ZC3H18: variants seen among roughly 807,000 people sequenced by gnomAD.
ZC3H18 encodes the protein zinc finger CCCH domain-containing protein 18.
ZC3H18 carries 8 observed loss-of-function variants against 106.1 expected under a neutral mutation model. The ratio of observed to expected loss-of-function variants is 0.08; its 90% confidence interval spans 0.04 to 0.14. The LOEUF is 0.14. ZC3H18 is among the 10% of genes least tolerant of loss of function. ZC3H18 has a pLI of 1.00. For missense variants in ZC3H18, 1,318 were observed against 1,278.4 expected (o/e 1.03, Z -0.47); for synonymous variants, 635 against 522.1 (o/e 1.22, Z -2.95).
intron 2 of ZC3H18, among the ~76,000 whole-genome samples, chr16:88,580,563 C>T (rs1915064130): frequency 6.6e-6 from 1 of 152,156 alleles, no homozygotes; most frequent in South Asian, 2.1e-4. Context: ...TCCTCTCAGG[C>T]CCAGTTCCAA....
intron 1 of ZC3H18, among the ~76,000 whole-genome samples, chr16:88,576,000 A>C (rs1409330818): frequency 2.6e-5 from 4 of 152,180 alleles, no homozygotes; most frequent in African/African-American, 9.7e-5. Flanking sequence ...TCCTGGGTTC[A>C]CGCCTTTCTC....
rs781734468 is a variant in ZC3H18 at position 88,625,287 on chromosome 16, G to A, written c.2108+20G>A. 5 of 1,574,786 alleles carry A rather than the reference G, an allele frequency of 3.2e-6. No homozygotes were observed. The highest frequency in any genetic ancestry group is 2.7e-5 in the African/African-American group (2 of 73,924). Reference sequence around the variant, plus strand: ...ATCCAGGTCATCCCCATCACCCTGTGCCTCTGTTTCTCCCTCCCCGTCGGG... The same window carrying A: ...ATCCAGGTCATCCCCATCACCCTGTACCTCTGTTTCTCCCTCCCCGTCGGG... On this transcript the variant is annotated intron_variant, in intron 13 of 17. Transcript: ENST00000301011.
At chr16:88,583,398 G>A (rs1915252654) in intron 2 of ZC3H18, among the ~76,000 whole-genome samples, 1 of 152,214 alleles carries the variant, frequency 6.6e-6, no homozygotes, top group Non-Finnish European at 1.5e-5. Context: ...TTTAAGCACG[G>A]TGCAGCATTT....
Position 88,577,581 on chromosome 16 carries a change from A to G in ZC3H18, c.458A>G (p.Glu153Gly). 1.9e-6 allele frequency: 3 copies of G among 1,613,618 alleles called. No homozygotes were observed. Among genetic ancestry groups the G allele is most frequent in the Non-Finnish European group, 2.5e-6 (3 of 1,179,862 alleles). Residue 153 changes from glutamate (E) to glycine (G), a missense_variant, in exon 2 of 18, where the codon GAG becomes GGG. Physicochemically the swap from Glu to Gly is moderately conservative, Grantham distance 98. Transcript: ENST00000301011. ...QEDEAEKAGA[E>G]DDEEKGEGTP... Reference sequence around the variant, plus strand: ...GACGAGGCTGAGAAAGCGGGGGCTGAGGATGATGAGGAGAAAGGCGAAGGC... The same window carrying G: ...GACGAGGCTGAGAAAGCGGGGGCTGGGGATGATGAGGAGAAAGGCGAAGGC...
At chr16:88,578,469 C>T (rs544950252) in intron 2 of ZC3H18, among the ~76,000 whole-genome samples, 70 of 151,816 alleles carry the variant, frequency 4.6e-4, no homozygotes, top group African/African-American at 1.6e-3. Flanking sequence ...TGATACTTGC[C>T]GGAGCTATTG....
chr16:88,610,509 G>T (rs1905220902), intron 7 of ZC3H18, among the ~76,000 whole-genome samples: 1 of 152,224 alleles, frequency 6.6e-6, no homozygotes, highest in Non-Finnish European at 1.5e-5. Context: ...AAGCCCCAGG[G>T]ATCCCTTTCC....
intron 3 of ZC3H18, among the ~76,000 whole-genome samples, chr16:88,596,588 C>G (rs1904450403): frequency 6.6e-6 from 1 of 151,854 alleles, no homozygotes; most frequent in African/African-American, 2.4e-5. Flanking sequence ...TGCAGTGAGC[C>G]GAGATTGCAT....
intron 1 of ZC3H18, among the ~76,000 whole-genome samples, chr16:88,576,785 G>A (rs944619071): frequency 6.6e-6 from 1 of 152,194 alleles, no homozygotes; most frequent in African/African-American, 2.4e-5. Context: ...TTTGCGATCC[G>A]TATCGTTACT....
intron 11 of ZC3H18, chr16:88,624,327 G>C: frequency 3.1e-6 from 2 of 652,870 alleles, no homozygotes. Context: ...TGTTCTTAAG[G>C]GGTCTTCCTA....
At chr16:88,585,002 TTACA>T (rs1198645913) in intron 2 of ZC3H18, among the ~76,000 whole-genome samples, 1 of 152,254 alleles carries the variant, frequency 6.6e-6, no homozygotes, top group African/African-American at 2.4e-5. Flanking sequence ...AGATTTGAGC[TTACA>T]TAGAATACCA....
At chr16:88,625,624 G>C (rs1342219237) in intron 13 of ZC3H18, 1 of 293,386 alleles carries the variant, frequency 3.4e-6, no homozygotes, top group Middle Eastern at 1.2e-3. Flanking sequence ...GGCTGGGCCT[G>C]CGTGACCTAT....
At chr16:88,603,449 C>T (rs1366952698) in intron 6 of ZC3H18, among the ~76,000 whole-genome samples, 4 of 151,076 alleles carry the variant, frequency 2.6e-5, no homozygotes, top group Admixed American at 2.0e-4. Context: ...GGTGAAACCC[C>T]ATCTCTACTA....
intron 2 of ZC3H18, among the ~76,000 whole-genome samples, chr16:88,582,682 G>C (rs1915206562): frequency 6.6e-6 from 1 of 152,114 alleles, no homozygotes; most frequent in African/African-American, 2.4e-5. Context: ...GACCTTCTGT[G>C]CCCCTTAGCG....
chr16:88,580,820 G>T (rs937829223), intron 2 of ZC3H18, among the ~76,000 whole-genome samples: 19 of 152,186 alleles, frequency 1.2e-4, no homozygotes, highest in African/African-American at 4.6e-4. Flanking sequence ...GTGGTGCAAA[G>T]TGTCCGTTCT....
intron 2 of ZC3H18, among the ~76,000 whole-genome samples, chr16:88,582,219 CTTTTTTTTTTT>C (rs71391393): frequency 4.1e-4 from 32 of 77,184 alleles, no homozygotes; most frequent in Admixed American, 3.1e-3. Context: ...TTTTTCTTTT[CTTTTTTTTTTT>C]TTTTTTTTTT....
chr16:88,625,179 C>T (rs747434661), intron 12 of ZC3H18, 23 bp from the exon 13 acceptor site: 89 of 1,564,452 alleles, frequency 5.7e-5, no homozygotes, highest in Non-Finnish European at 7.4e-5. Flanking sequence ...GCCCCCTGAG[C>T]CCCGCTGTTG....
At chr16:88,621,914 G>A (rs1410613572) in intron 8 of ZC3H18, among the ~76,000 whole-genome samples, 1 of 152,224 alleles carries the variant, frequency 6.6e-6, no homozygotes, top group Non-Finnish European at 1.5e-5. Context: ...TGGAAATTAA[G>A]TAAGTAATGA....
intron 3 of ZC3H18, among the ~76,000 whole-genome samples, chr16:88,594,505 A>G (rs1436978017): frequency 2.0e-5 from 3 of 152,140 alleles, no homozygotes; most frequent in Non-Finnish European, 4.4e-5. Context: ...CGGATTTTCC[A>G]TGTTTCCTAT....
chr16:88,599,711 G>A, intron 5 of ZC3H18, 80 bp from the exon 6 acceptor site: 2 of 1,509,892 alleles, frequency 1.3e-6, no homozygotes, highest in Non-Finnish European at 1.8e-6. Flanking sequence ...GCGGTCGGGT[G>A]GGACGGCTCC....
Sources: allele counts gnomAD v4.1 joint callset (sites outside exome capture counted in the v4.1 genomes callset), GRCh38; gene constraint gnomAD v4.1.1; transcripts MANE v1.5; gene names NCBI Gene and HGNC (gene_info 2026-07-23, HGNC 2026-07-21).